PTGDR: variants seen among roughly 807,000 people sequenced by gnomAD.
The protein encoded by PTGDR is prostaglandin D2 receptor.
A neutral mutation model predicts 17.4 loss-of-function variants in PTGDR; 19 were observed. The ratio of observed to expected loss-of-function variants is 1.09; its 90% CI spans 0.76 to 1.60. PTGDR has a LOEUF of 1.60. Ranked by LOEUF, PTGDR falls within the 40% of genes most tolerant of loss-of-function variation. PTGDR has a pLI of 0.00. For missense variants in PTGDR, 526 were observed against 481.9 expected (o/e 1.09, Z -0.86); for synonymous variants, 267 against 224.2 (o/e 1.19, Z -1.71).
In PTGDR at chr14:52,268,550, CCG is replaced by C; in HGVS notation, c.743_744del (p.Ala248GlyfsTer43). 1 of 1,612,656 alleles carries C rather than the reference CCG, an allele frequency of 6.2e-7. No individual in the cohort carries two copies. ...CTCCTGCACCAGGGACTGTGCCGAG[CCG>C]CGCGCGGACGGGAGGGAAGCGTCCC... Reference protein sequence around the residue: ...PRSCTRDCAEPRADGREASPQ... With the variant: ...PRSCTRDCAEXRADGREASPQ... On this transcript the variant is annotated frameshift_variant, in exon 1 of 2. Coordinates refer to ENST00000306051, the MANE Select transcript of PTGDR (RefSeq NM_000953.3). LOFTEE classifies it high-confidence loss of function.
Position 52,276,090 on chromosome 14 carries a change from A to G in PTGDR, c.*1126A>G, listed in dbSNP as rs200414728. On this transcript the variant is annotated 3_prime_UTR_variant, in exon 2 of 2. Transcript: ENST00000306051. ...GAAAAGGAGCACAACTGAGCACTTT[A>G]ATAGTAATTTAAAAGTTTTCAAGGG... 6.6e-6 allele frequency: 1 copy of G among 152,292 alleles called. No homozygotes were observed. Among genetic ancestry groups the G allele is most frequent in the South Asian group, 2.1e-4 (1 of 4,834 alleles). 9.4% of individuals were successfully genotyped at this position (152,292 alleles called of 1,614,324 possible).
Position 52,268,153 on chromosome 14 carries a change from C to G in PTGDR, c.339C>G (p.Ser113=), listed in dbSNP as rs758594015. 5.6e-6 allele frequency: 9 copies of G among 1,614,056 alleles called. No homozygotes were observed. The highest frequency in any genetic ancestry group is 1.3e-5 in the African/African-American group (1 of 74,946). ...GCCAAGCCTTCGCCTTCTTCATGTCCTTCTTTGGGCTCTCCTCGACACTGC... is the reference window on the plus strand; with the variant it reads ...GCCAAGCCTTCGCCTTCTTCATGTCGTTCTTTGGGCTCTCCTCGACACTGC... ...SLCQAFAFFM[S]FFGLSSTLQL... Residue 113 remains serine (S), a synonymous_variant, in exon 1 of 2, where the codon TCC becomes TCG. Transcript: ENST00000306051.
rs189301667 is a variant in PTGDR at position 52,274,969 on chromosome 14, G to A, written c.*5G>A. On this transcript the variant is annotated 3_prime_UTR_variant, in exon 2 of 2. Coordinates refer to ENST00000306051, the MANE Select transcript of PTGDR (RefSeq NM_000953.3). The stretch of plus-strand genomic sequence containing the variant: ...AACATGGAATCCAGTCTGTGACAGT[G>A]TTTTTCACTCTGTGGTAAGCTGAGG... 2.2e-4 allele frequency: 339 copies of A among 1,531,524 alleles called. 2 individuals are homozygous for A. The East Asian group carries it at 7.5e-3, about 34-fold the overall frequency. The allele number at this position is 1,531,524 out of a possible 1,614,324, so 94.9% of individuals were successfully genotyped here.
At position 52,268,521 on chromosome 14, in the gene PTGDR, C is replaced by T; in HGVS notation, c.707C>T (p.Pro236Leu). The change falls in exon 1 of 2, where the codon CCG becomes CTG. Residue 236 changes from proline (P) to leucine (L), a missense_variant. Transcript: ENST00000306051. Reference protein sequence around the residue: ...YAMHRRLQRHPRSCTRDCAEP... With the variant: ...YAMHRRLQRHLRSCTRDCAEP... ...ATGCACCGGCGGCTGCAGCGGCACC[C>T]GCGCTCCTGCACCAGGGACTGTGCC... 12 of 1,611,862 alleles carry T rather than the reference C, an allele frequency of 7.4e-6. No homozygotes were observed. The highest frequency in any genetic ancestry group is 1.0e-5 in the Non-Finnish European group (12 of 1,179,668).
chr14:52,273,873 T>C (rs1566483813), intron 1 of PTGDR, among the ~76,000 whole-genome samples: 1 of 152,144 alleles, frequency 6.6e-6, no homozygotes. Context: ...TGGCCAGCCT[T>C]AGGCAGAGTG....
chr14:52,268,451 G>A lies in PTGDR; in HGVS notation c.637G>A (p.Ala213Thr). Residue 213 changes from alanine (A) to threonine (T), a missense_variant, in exon 1 of 2, where the codon GCC becomes ACC. Transcript: ENST00000306051. ...CAGCCTCATGGCGCTGCTGGTCCTC[G>A]CCACCGTGCTGTGCAACCTCGGCGC... Reference protein sequence around the residue: ...YSSLMALLVLATVLCNLGAMR... With the variant: ...YSSLMALLVLTTVLCNLGAMR... The A allele has an allele frequency of 3.1e-6, 5 of 1,609,754 alleles. No individual in the cohort carries two copies. Among genetic ancestry groups the A allele is most frequent in the Non-Finnish European group, 4.2e-6 (5 of 1,180,010 alleles).
chr14:52,268,472 G>T lies in PTGDR; in HGVS notation c.658G>T (p.Gly220Cys). The change falls in exon 1 of 2, where the codon GGC becomes TGC. Residue 220 changes from glycine (G) to cysteine (C), a missense_variant. Gly to Cys is a radical substitution (Grantham distance 159). Coordinates refer to ENST00000306051, the MANE Select transcript of PTGDR (RefSeq NM_000953.3). The part of the protein sequence containing the change: ...LVLATVLCNL[G>C]AMRNLYAMHR... ...CCTCGCCACCGTGCTGTGCAACCTC[G>T]GCGCCATGCGCAACCTCTATGCGAT... 6.2e-7 allele frequency: 1 copy of T among 1,610,090 alleles called. No homozygotes were observed. Among genetic ancestry groups the T allele is most frequent in the South Asian group, 1.1e-5 (1 of 91,072 alleles).
intron 1 of PTGDR, chr14:52,269,633 T>C: frequency 1.1e-5 from 12 of 1,070,838 alleles, no homozygotes; most frequent in South Asian, 4.7e-5. Flanking sequence ...GGAAAGTTGT[T>C]AAATTTCTTC....
In PTGDR at chr14:52,268,295, C is replaced by G. The variant is rs2033249699; in HGVS notation, c.481C>G (p.Leu161Val). ...GGCCCCGGTGGTGAGCGCCTTCTCCCTGGCTTTCTGCGCGCTACCTTTCAT... is the reference window on the plus strand; with the variant it reads ...GGCCCCGGTGGTGAGCGCCTTCTCCGTGGCTTTCTGCGCGCTACCTTTCAT... ...LVAPVVSAFS[L>V]AFCALPFMGF... Residue 161 changes from leucine to valine, a missense_variant, in exon 1 of 2, where the codon CTG becomes GTG. Coordinates refer to ENST00000306051, the MANE Select transcript of PTGDR (RefSeq NM_000953.3). The G allele has an allele frequency of 5.6e-6, 9 of 1,613,940 alleles. No homozygotes were observed. Among genetic ancestry groups the G allele is most frequent in the Non-Finnish European group, 7.6e-6 (9 of 1,180,032 alleles).
Position 52,274,078 on chromosome 14 carries a change from A to C in PTGDR, c.847-653A>C, listed in dbSNP as rs77375186. ...TTTTTGCCTTCTAGATTGAACAAGAAAAAAAAAAAGGATGTCAACCATGAA... is the reference window on the plus strand; with the variant it reads ...TTTTTGCCTTCTAGATTGAACAAGACAAAAAAAAAGGATGTCAACCATGAA... On this transcript the variant is annotated intron_variant, in intron 1 of 1. Transcript: ENST00000306051. Among the ~76,000 whole-genome samples, 4 of 146,226 alleles carry C rather than the reference A, an allele frequency of 2.7e-5. No homozygotes were observed. The South Asian group carries it at 8.4e-4, about 31-fold the overall frequency.
At position 52,268,593 on chromosome 14, in the gene PTGDR, A is replaced by G. The variant is rs1477525278; in HGVS notation, c.779A>G (p.Glu260Gly). ...GREASPQPLEELDHLLLLALM... is the reference protein window; with the variant it reads ...GREASPQPLEGLDHLLLLALM... Reference sequence around the variant, plus strand: ...GAAGCGTCCCCTCAGCCCCTGGAGGAGCTGGATCACCTCCTGCTGCTGGCG... The same window carrying G: ...GAAGCGTCCCCTCAGCCCCTGGAGGGGCTGGATCACCTCCTGCTGCTGGCG... The change falls in exon 1 of 2, where the codon GAG becomes GGG. Residue 260 changes from glutamate (E) to glycine (G), a missense_variant. Physicochemically the swap from Glu to Gly is moderately conservative, Grantham distance 98. Coordinates refer to ENST00000306051, the MANE Select transcript of PTGDR (RefSeq NM_000953.3). 2 of 1,611,006 alleles carry G rather than the reference A, an allele frequency of 1.2e-6. No individual in the cohort carries two copies. The highest frequency in any genetic ancestry group is 2.7e-5 in the African/African-American group (2 of 74,844).
intron 1 of PTGDR, among the ~76,000 whole-genome samples, chr14:52,269,697 C>T (rs536298803): frequency 2.6e-5 from 4 of 152,238 alleles, no homozygotes; most frequent in African/African-American, 9.6e-5. Flanking sequence ...AAGGGAAATA[C>T]AAAGCGATTT....
In PTGDR at chr14:52,274,954, C is replaced by G; in HGVS notation, c.1070C>G (p.Ser357Cys). ...SRCSNSTNME[S>C]SL ...TGCAGCAATTCCACTAACATGGAAT[C>G]CAGTCTGTGACAGTGTTTTTCACTC... The change falls in exon 2 of 2, where the codon TCC (serine) becomes TGC (cysteine). Residue 357 changes from serine to cysteine, a missense_variant. Coordinates refer to ENST00000306051, the MANE Select transcript of PTGDR (RefSeq NM_000953.3). The G allele has an allele frequency of 6.4e-7, 1 of 1,562,802 alleles. No individual in the cohort carries two copies. Among genetic ancestry groups the G allele is most frequent in the Non-Finnish European group, 8.8e-7 (1 of 1,135,324 alleles).
At position 52,267,943 on chromosome 14, in the gene PTGDR, C is replaced by G. The variant is rs775980139; in HGVS notation, c.129C>G (p.Arg43=). ...TGCTGGCCCTGGGGCTGCTGGCGCG[C>G]TCGGGGCTGGGGTGGTGCTCGCGGC... ...GNLLALGLLA[R]SGLGWCSRRP... is the part of the protein sequence containing the mutation. Residue 43 remains arginine, a synonymous_variant, in exon 1 of 2, where the codon CGC becomes CGG. Transcript: ENST00000306051. The G allele has an allele frequency of 2.5e-6, 4 of 1,609,982 alleles. No individual in the cohort carries two copies. Among genetic ancestry groups the G allele is most frequent in the Non-Finnish European group, 3.4e-6 (4 of 1,179,210 alleles).
rs201422048 is a variant in PTGDR, at chr14:52,275,118, T to C, written c.*154T>C. 4.9e-5 allele frequency: 32 copies of C among 655,448 alleles called. No homozygotes were observed. The Middle Eastern group carries it at 1.2e-3, about 26-fold the overall frequency. 40.6% of individuals were successfully genotyped at this position (655,448 alleles called of 1,614,324 possible). On this transcript the variant is annotated 3_prime_UTR_variant, in exon 2 of 2. Transcript: ENST00000306051. ...TATGTATTTTCAAAAGTATTTGATATCTTAACAATGTGTTACCATTCTATA... is the reference window on the plus strand; with the variant it reads ...TATGTATTTTCAAAAGTATTTGATACCTTAACAATGTGTTACCATTCTATA...
At chr14:52,277,530 GAGA>G (rs2033444801), downstream of PTGDR, among the ~76,000 whole-genome samples, 1 of 152,188 alleles carries the variant, frequency 6.6e-6, no homozygotes, top group African/African-American at 2.4e-5. Context: ...AGGTTATTCA[GAGA>G]AGAACATTCA....
downstream of PTGDR, chr14:52,276,799 A>C (rs2033434634): frequency 6.6e-6 from 1 of 152,086 alleles, no homozygotes; most frequent in African/African-American, 2.4e-5. Context: ...AGTTGCCAGC[A>C]ATATTTCATT....
At chr14:52,273,550 A>G (rs987865852) in intron 1 of PTGDR, among the ~76,000 whole-genome samples, 2 of 152,200 alleles carry the variant, frequency 1.3e-5, no homozygotes, top group African/African-American at 4.8e-5. Context: ...GCCCGACTTC[A>G]GATGGGCGAG....
chr14:52,280,357 T>C (rs1422652248), downstream of PTGDR, among the ~76,000 whole-genome samples: 2 of 152,146 alleles, frequency 1.3e-5, no homozygotes, highest in Non-Finnish European at 2.9e-5. Flanking sequence ...CTGATTATGA[T>C]TGTGTGAAAG....
Sources: gnomAD v4.1 joint callset for allele counts (sites outside exome capture counted in the v4.1 genomes callset) on GRCh38, gnomAD v4.1.1 for gene constraint, MANE v1.5 for transcripts, NCBI Gene and HGNC (gene_info 2026-07-23, HGNC 2026-07-21) for gene names.